KCNQ3: variants seen among roughly 807,000 people sequenced by gnomAD.
KCNQ3 encodes the protein potassium voltage-gated channel subfamily KQT member 3.
A neutral mutation model predicts 92.5 loss-of-function variants in KCNQ3; 30 were observed. That is an observed-to-expected ratio of 0.32 (90% confidence interval 0.24 to 0.44). The LOEUF (loss-of-function observed/expected upper bound fraction) is 0.44, where lower values mean the gene tolerates loss of function less well. KCNQ3 is among the 20% of genes least tolerant of loss of function. The probability of loss-of-function intolerance (pLI) is 1.00; values close to 1 mark genes in which losing one functional copy is unlikely to be tolerated. For missense variants in KCNQ3, 913 were observed against 1,140.3 expected (o/e 0.80, Z 2.87); for synonymous variants, 450 against 468.8 (o/e 0.96, Z 0.52).
intron 1 of KCNQ3, among the ~76,000 whole-genome samples, chr8:132,314,693 C>T (rs1817689194): frequency 6.6e-6 from 1 of 152,128 alleles, no homozygotes; most frequent in Non-Finnish European, 1.5e-5. Context: ...GGTAGCAGCA[C>T]TAATGGGTGA....
At chr8:132,381,542 T>G (rs1177282481) in intron 1 of KCNQ3, among the ~76,000 whole-genome samples, 2 of 152,200 alleles carry the variant, frequency 1.3e-5, no homozygotes, top group Middle Eastern at 6.3e-3. Flanking sequence ...AGGAGAACAC[T>G]TTCCCCAAGA....
intron 1 of KCNQ3, among the ~76,000 whole-genome samples, chr8:132,246,823 T>C (rs1296238069): frequency 6.6e-6 from 1 of 152,194 alleles, no homozygotes; most frequent in African/African-American, 2.4e-5. Context: ...AGAAGTATAT[T>C]GTATGGACTA....
intron 1 of KCNQ3, among the ~76,000 whole-genome samples, chr8:132,411,112 A>G (rs968411459): frequency 6.6e-6 from 1 of 152,132 alleles, no homozygotes; most frequent in East Asian, 1.9e-4. Flanking sequence ...GCTGCTGAAA[A>G]CCCATTGTGA....
At chr8:132,281,520 CTG>C (rs57252508) in intron 1 of KCNQ3, among the ~76,000 whole-genome samples, 47 of 149,556 alleles carry the variant, frequency 3.1e-4, no homozygotes, top group Middle Eastern at 6.9e-3. Flanking sequence ...TATATGGAAT[CTG>C]TGTGTGTGTG....
intron 1 of KCNQ3, among the ~76,000 whole-genome samples, chr8:132,265,947 G>C (rs1815966697): frequency 6.6e-6 from 1 of 152,172 alleles, no homozygotes; most frequent in Admixed American, 6.5e-5. Flanking sequence ...ACAGTCCCCT[G>C]GTGGCAGGCA....
At chr8:132,382,220 C>T (rs988867215) in intron 1 of KCNQ3, among the ~76,000 whole-genome samples, 4 of 152,156 alleles carry the variant, frequency 2.6e-5, no homozygotes, top group Admixed American at 6.5e-5. Flanking sequence ...ATGTGATCCC[C>T]GGTGTTGGAA....
At chr8:132,175,301 T>A in intron 5 of KCNQ3, 152 bp downstream of exon 5, 1 of 839,900 alleles carries the variant, frequency 1.2e-6, no homozygotes, top group East Asian at 2.5e-5. Context: ...GAGGGTCTTC[T>A]GTCAGCAGGT....
At chr8:132,134,222 G>T in intron 13 of KCNQ3, 68 bp downstream of exon 13, 2 of 1,149,516 alleles carry the variant, frequency 1.7e-6, no homozygotes, top group Non-Finnish European at 2.6e-6. Context: ...CCCAGCAGAG[G>T]TTTGGGGGTG....
At chr8:132,135,044 T>C (rs945140297) in intron 12 of KCNQ3, among the ~76,000 whole-genome samples, 1 of 152,174 alleles carries the variant, frequency 6.6e-6, no homozygotes, top group Non-Finnish European at 1.5e-5. Flanking sequence ...TAGGTAAACA[T>C]GTGTCATGGG....
At chr8:132,473,730 T>C (rs1468341287) in intron 1 of KCNQ3, among the ~76,000 whole-genome samples, 1 of 152,200 alleles carries the variant, frequency 6.6e-6, no homozygotes, top group Non-Finnish European at 1.5e-5. Context: ...ATACCAGCTA[T>C]AAGAAGCAAG....
intron 13 of KCNQ3, among the ~76,000 whole-genome samples, chr8:132,132,820 C>T (rs931460551): frequency 6.6e-6 from 1 of 152,156 alleles, no homozygotes; most frequent in African/African-American, 2.4e-5. Context: ...TTTTGGTTAT[C>T]CACTGTTAAT....
intron 1 of KCNQ3, among the ~76,000 whole-genome samples, chr8:132,371,925 G>A (rs577975078): frequency 1.3e-5 from 2 of 152,294 alleles, no homozygotes; most frequent in South Asian, 4.2e-4. Context: ...ATTGAATCCT[G>A]AGAGCTACTC....
chr8:132,201,247 C>T (rs1241904610), intron 1 of KCNQ3, among the ~76,000 whole-genome samples: 1 of 152,160 alleles, frequency 6.6e-6, no homozygotes, highest in Non-Finnish European at 1.5e-5. Flanking sequence ...TCTGGGGACA[C>T]ATTCACTTCA....
rs574771007 is a variant in KCNQ3, at chr8:132,319,650, G to A, written c.387-133469C>T. ...ATCGAGCTGCCACGACGAAGCAGCCGCACTGCCAGATGATGTGATGGATGA... is the reference window on the plus strand; with the variant it reads ...ATCGAGCTGCCACGACGAAGCAGCCACACTGCCAGATGATGTGATGGATGA... On this transcript the variant is annotated intron_variant, in intron 1 of 14. Coordinates refer to ENST00000388996, the MANE Select transcript of KCNQ3 (RefSeq NM_004519.4). Among the ~76,000 whole-genome samples, 8 of 152,272 alleles carry A rather than the reference G, an allele frequency of 5.3e-5. No individual in the cohort carries two copies. The South Asian group carries it at 1.0e-3, about 20-fold the overall frequency.
chr8:132,138,819 C>T (rs779720474), intron 11 of KCNQ3, among the ~76,000 whole-genome samples: 9 of 152,160 alleles, frequency 5.9e-5, no homozygotes, highest in South Asian at 2.1e-4. Context: ...TGTCATAGCT[C>T]GTGGCTTCAG....
chr8:132,271,617 T>C (rs1816150454), intron 1 of KCNQ3, among the ~76,000 whole-genome samples: 1 of 152,126 alleles, frequency 6.6e-6, no homozygotes, highest in African/African-American at 2.4e-5. Context: ...TGTGGCCTTA[T>C]CAAATCTATT....
rs1301827959 is a variant in KCNQ3, at chr8:132,174,214, G to A, written c.1044+25C>T. The A allele has an allele frequency of 3.3e-6, 5 of 1,493,672 alleles. No individual in the cohort carries two copies. In the African/African-American group the frequency reaches 6.9e-5, roughly 21 times the overall value. The allele number at this position is 1,493,672 out of a possible 1,614,324, so 92.5% of individuals were successfully genotyped here. A position where few individuals can be genotyped will look rare whatever the true frequency, so the allele number is the denominator to read the frequency against. On this transcript the variant is annotated intron_variant, in intron 6 of 14. Transcript: ENST00000388996. ...AAGGGGTCCTGCACGTCACATTGGG[G>A]ATGTCATATATCAAAGGTACTTACC...
chr8:132,433,358 G>C (rs569847910), intron 1 of KCNQ3, among the ~76,000 whole-genome samples: 1 of 152,190 alleles, frequency 6.6e-6, no homozygotes, highest in Non-Finnish European at 1.5e-5. Flanking sequence ...GAAGGACTGG[G>C]AACAGCCAGA....
rs115531045 is a variant in KCNQ3, at chr8:132,203,379, T to C, written c.387-17198A>G. Among the ~76,000 whole-genome samples, 806 of 152,316 alleles carry C rather than the reference T, an allele frequency of 5.3e-3. 8 individuals are homozygous for C. The highest frequency in any genetic ancestry group is 0.019 in the African/African-American group (773 of 41,578). On this transcript the variant is annotated intron_variant, in intron 1 of 14. Coordinates refer to ENST00000388996, the MANE Select transcript of KCNQ3 (RefSeq NM_004519.4). ...CCTGTCAAGGAAGACCCTGGGTCCCTGAACTGGACACATCAGGGTCTCAAA... is the reference window on the plus strand; with the variant it reads ...CCTGTCAAGGAAGACCCTGGGTCCCCGAACTGGACACATCAGGGTCTCAAA...
Sources: gnomAD v4.1 joint callset for allele counts (sites outside exome capture counted in the v4.1 genomes callset) on GRCh38, gnomAD v4.1.1 for gene constraint, MANE v1.5 for transcripts, NCBI Gene and HGNC (gene_info 2026-07-23, HGNC 2026-07-21) for gene names.